LEO1: variants seen among roughly 807,000 people sequenced by gnomAD.
LEO1 encodes RNA polymerase-associated protein LEO1.
Under a neutral mutation model 80.4 loss-of-function variants are expected in LEO1, and 34 were observed. That is an observed-to-expected ratio of 0.42 (90% CI 0.32 to 0.56). The LOEUF (loss-of-function observed/expected upper bound fraction) is 0.56. Ranked by LOEUF, LEO1 falls within the 20% of genes least tolerant of loss-of-function variation. The probability of loss-of-function intolerance (pLI) is 0.10; values close to 1 mark genes in which losing one functional copy is unlikely to be tolerated. For synonymous variants in LEO1, 262 were observed against 274.9 expected, an observed-to-expected ratio of 0.95 and a Z score of 0.46; for missense variants, 631 against 814.2, an observed-to-expected ratio of 0.77 and a Z score of 2.74.
chr15:51,965,888 CTCA>C lies in LEO1; in HGVS notation c.672_674del (p.Asp224del), dbSNP rs781006411. 6.2e-7 allele frequency: 1 copy of C among 1,614,064 alleles called. No homozygotes were observed. Among genetic ancestry groups the C allele is most frequent in the East Asian group, 2.2e-5 (1 of 44,872 alleles). On this transcript the variant is annotated inframe_deletion, in exon 2 of 12. Transcript: ENST00000299601. Reference sequence around the variant, plus strand: ...GTTCTTCATCATCAGAATTCTGTTTCTCATCATCATTATCAGAAGCTACCGGCC... The same window carrying C: ...GTTCTTCATCATCAGAATTCTGTTTCTCATCATTATCAGAAGCTACCGGCC...
At chr15:51,949,773 G>T (rs199619654) in intron 10 of LEO1, 35 bp downstream of exon 10, 1 of 1,566,430 alleles carries the variant, frequency 6.4e-7, no homozygotes, top group East Asian at 2.3e-5. Context: ...CCAGAATCCC[G>T]AAATGATGAA....
chr15:51,969,835 C>G (rs558070810), intron 1 of LEO1, among the ~76,000 whole-genome samples: 1 of 87,816 alleles, frequency 1.1e-5, no homozygotes, highest in South Asian at 4.3e-4. Context: ...ACTGAGACTC[C>G]GTTAAAAAAA....
At chr15:51,967,640 C>T (rs1239597936) in intron 1 of LEO1, among the ~76,000 whole-genome samples, 1 of 152,074 alleles carries the variant, frequency 6.6e-6, no homozygotes, top group Non-Finnish European at 1.5e-5. Context: ...CAAAAGCGGG[C>T]AAAAGAGAAG....
chr15:51,960,564 T>G lies in LEO1; in HGVS notation c.1014+75A>C, dbSNP rs951043216. The G allele has an allele frequency of 4.9e-6, 4 of 808,252 alleles. No homozygotes were observed. In the African/African-American group the frequency reaches 6.9e-5, roughly 14 times the overall value. The allele number at this position is 808,252 out of a possible 1,614,324, so 50.1% of individuals were successfully genotyped here. A position where few individuals can be genotyped will look rare whatever the true frequency, so the allele number is the denominator to read the frequency against. On this transcript the variant is annotated intron_variant, in intron 4 of 11. Coordinates refer to ENST00000299601, the MANE Select transcript of LEO1 (RefSeq NM_138792.4). The stretch of plus-strand genomic sequence containing the variant: ...GAATTCAGTTATCAACTTCCTTTCC[T>G]GGAATAAGGGAGACTCTTCACCTTT...
chr15:51,966,413 T>C lies in LEO1; in HGVS notation c.150A>G (p.Arg50=), dbSNP rs2141780837. Residue 50 remains arginine (R), a synonymous_variant, in exon 2 of 12, where the codon AGA becomes AGG. Coordinates refer to ENST00000299601, the MANE Select transcript of LEO1 (RefSeq NM_138792.4). ...TATTACTTGGTTGTCCTGAATCACC[T>C]CTTTCATCCTGATCACTTTCACTTC... ...ASGSESDQDE[R]GDSGQPSNKE... is the part of the protein sequence containing the mutation. 6.2e-7 allele frequency: 1 copy of C among 1,614,156 alleles called. No individual in the cohort carries two copies. Among genetic ancestry groups the C allele is most frequent in the Middle Eastern group, 1.6e-4 (1 of 6,062 alleles).
chr15:51,957,206 T>A (rs1256110510), intron 6 of LEO1, among the ~76,000 whole-genome samples: 1 of 152,044 alleles, frequency 6.6e-6, no homozygotes, highest in Non-Finnish European at 1.5e-5. Flanking sequence ...TGTAGCATCA[T>A]GACAGAAAGT....
intron 2 of LEO1, 52 bp downstream of exon 2, chr15:51,965,697 C>T: frequency 6.5e-7 from 1 of 1,543,160 alleles, no homozygotes; most frequent in East Asian, 2.3e-5. Flanking sequence ...TGGGTCCCTG[C>T]TGTATCTGAA....
In LEO1 at chr15:51,947,476, C is replaced by T. The variant is rs2056912104; in HGVS notation, c.1799-87G>A. 8 of 881,962 alleles carry T rather than the reference C, an allele frequency of 9.1e-6. No homozygotes were observed. In the Admixed American group the frequency reaches 1.6e-4, roughly 18 times the overall value. The allele number at this position is 881,962 out of a possible 1,614,324, so 54.6% of individuals were successfully genotyped here. A position where few individuals can be genotyped will look rare whatever the true frequency, so the allele number is the denominator to read the frequency against. ...TGAGGCCCAGGCTGGAGTGCAGTGGCACAATCATGGCTCACTGCAGCCTTG... is the reference window on the plus strand; with the variant it reads ...TGAGGCCCAGGCTGGAGTGCAGTGGTACAATCATGGCTCACTGCAGCCTTG... On this transcript the variant is annotated intron_variant, in intron 10 of 11. Transcript: ENST00000299601.
At chr15:51,953,297 TA>T in intron 7 of LEO1, 34 bp from the exon 8 acceptor site, 1 of 1,608,794 alleles carries the variant, frequency 6.2e-7, no homozygotes, top group Non-Finnish European at 8.5e-7. Flanking sequence ...ATTAAAGTCA[TA>T]AAGCTTTCAC....
In LEO1 at chr15:51,938,227, C is replaced by T. The variant is rs1259201741; in HGVS notation, c.1930G>A (p.Asp644Asn). The T allele has an allele frequency of 6.2e-7, 1 of 1,608,970 alleles. No individual in the cohort carries two copies. Among genetic ancestry groups the T allele is most frequent in the Admixed American group, 1.7e-5 (1 of 59,844 alleles). The change falls in exon 12 of 12, where the codon GAT becomes AAT. Residue 644 changes from aspartate to asparagine, a missense_variant. Coordinates refer to ENST00000299601, the MANE Select transcript of LEO1 (RefSeq NM_138792.4). ...GEPSGKRKAE[D>N]DDKANKKHKK... ...TGCTTTTTATTTGCTTTATCATCAT[C>T]TTCTGCTTTTCTCTTTCCGGAAGGT...
chr15:51,956,510 A>G (rs1003847464), intron 6 of LEO1, among the ~76,000 whole-genome samples: 9 of 152,158 alleles, frequency 5.9e-5, no homozygotes, highest in Non-Finnish European at 1.3e-4. Flanking sequence ...AAGTGATTCA[A>G]ATAGTAATGA....
chr15:51,944,091 C>T (rs547311546), intron 11 of LEO1, among the ~76,000 whole-genome samples: 1 of 152,232 alleles, frequency 6.6e-6, no homozygotes, highest in South Asian at 2.1e-4. Context: ...AAAAACATTA[C>T]CCTACACATC....
chr15:51,945,972 T>C lies in LEO1; in HGVS notation c.1896+1320A>G, dbSNP rs2056897137. 2.6e-5 allele frequency among the ~76,000 whole-genome samples: 4 copies of C among 151,402 alleles called. No homozygotes were observed. In the South Asian group the frequency reaches 8.4e-4, roughly 32 times the overall value. On this transcript the variant is annotated intron_variant, in intron 11 of 11. Transcript: ENST00000299601. The stretch of plus-strand genomic sequence containing the variant: ...TGGCATGAACCCAGGAGGCAGAGCT[T>C]GCAGTGAACCGAGATCACGCCACTG...
Position 51,960,854 on chromosome 15 carries a change from A to G in LEO1, c.920-121T>C, listed in dbSNP as rs117472893. On this transcript the variant is annotated intron_variant, in intron 3 of 11. Transcript: ENST00000299601. ...AGCATCAGAAAACCACCAAAAACAT[A>G]ATGCTGAGCCTGGCTCTCAAAGACC... The G allele has an allele frequency of 9.7e-4, 618 of 635,916 alleles. 7 individuals carry two copies. In the East Asian group the frequency reaches 0.017, roughly 17 times the overall value. The allele number at this position is 635,916 out of a possible 1,614,324, so 39.4% of individuals were successfully genotyped here. A position where few individuals can be genotyped will look rare whatever the true frequency, so the allele number is the denominator to read the frequency against.
In LEO1 at chr15:51,971,764, C is replaced by G; in HGVS notation, c.-19G>C. 1 of 1,613,946 alleles carries G rather than the reference C, an allele frequency of 6.2e-7. No homozygotes were observed. The highest frequency in any genetic ancestry group is 8.5e-7 in the Non-Finnish European group (1 of 1,179,822). The stretch of plus-strand genomic sequence containing the variant: ...CCGCCATTATCGCTCACGTCCGCTG[C>G]TGCCTCGGTTAGGGGCAGCTCCCGG... On this transcript the variant is annotated 5_prime_UTR_variant, in exon 1 of 12. Coordinates refer to ENST00000299601, the MANE Select transcript of LEO1 (RefSeq NM_138792.4).
chr15:51,958,973 A>T (rs748805700), intron 5 of LEO1, 147 bp from the exon 6 acceptor site: 207 of 492,402 alleles, frequency 4.2e-4, no homozygotes, highest in Admixed American at 1.2e-4. Context: ...CTTCATGCTT[A>T]ACTTCAAGGA....
intron 1 of LEO1, among the ~76,000 whole-genome samples, chr15:51,968,886 C>T (rs148513543): frequency 6.6e-6 from 1 of 151,738 alleles, no homozygotes; most frequent in African/African-American, 2.4e-5. Flanking sequence ...TATTTGCAAA[C>T]CATGTATCTG....
chr15:51,968,147 C>A lies in LEO1; in HGVS notation c.59-1643G>T, dbSNP rs369962296. Reference sequence around the variant, plus strand: ...GCAGTGAGCCAAGATCATAGCACTGCACTCCAGCCTGGGCAACAGACCAAG... The same window carrying A: ...GCAGTGAGCCAAGATCATAGCACTGAACTCCAGCCTGGGCAACAGACCAAG... On this transcript the variant is annotated intron_variant, in intron 1 of 11. Transcript: ENST00000299601. Among the ~76,000 whole-genome samples, 5 of 152,302 alleles carry A rather than the reference C, an allele frequency of 3.3e-5. No homozygotes were observed. The East Asian group carries it at 5.8e-4, about 18-fold the overall frequency.
rs373125912 is a variant in LEO1 at position 51,962,510 on chromosome 15, A to G, written c.815-17T>C. ...TTGCAGATTCTATAAGGGTAGAATTAGAAGTTCTGCATAATCAGTCGCATT... is the reference window on the plus strand; with the variant it reads ...TTGCAGATTCTATAAGGGTAGAATTGGAAGTTCTGCATAATCAGTCGCATT... On this transcript the variant is annotated splice_polypyrimidine_tract_variant and intron_variant, in intron 2 of 11. Transcript: ENST00000299601. 5.3e-5 allele frequency: 81 copies of G among 1,541,292 alleles called. No homozygotes were observed. Among genetic ancestry groups the G allele is most frequent in the Non-Finnish European group, 6.8e-5 (76 of 1,118,790 alleles).
Sources: gnomAD v4.1 joint callset for allele counts (sites outside exome capture counted in the v4.1 genomes callset) on GRCh38, gnomAD v4.1.1 for gene constraint, MANE v1.5 for transcripts, NCBI Gene and HGNC (gene_info 2026-07-23, HGNC 2026-07-21) for gene names.